The following VPS11 variants were observed in gnomAD, a reference collection of about 807,000 sequenced individuals.
The protein encoded by VPS11 is VPS11 core subunit of CORVET and HOPS complexes.
In VPS11, 51 loss-of-function variants were observed where a neutral mutation model predicts 106.8. The observed-to-expected ratio is 0.48, with a 90% CI of 0.38 to 0.60. The LOEUF is 0.60. VPS11 is among the 20% of genes least tolerant of loss of function. The pLI is 0.00. For synonymous variants in VPS11, 453 were observed against 458.7 expected (o/e 0.99, Z 0.16); for missense variants, 950 against 1,190.0 (o/e 0.80, Z 2.97).
At chr11:119,070,422 G>A in intron 4 of VPS11, 25 bp downstream of exon 4, 1 of 1,592,730 alleles carries the variant, frequency 6.3e-7, no homozygotes. Context: ...TCCACTCTTA[G>A]GAGCAGGCAG....
chr11:119,078,424 G>C lies in VPS11; in HGVS notation c.1923+90G>C, dbSNP rs1945718992. The stretch of plus-strand genomic sequence containing the variant: ...TGGCTGCCTTTCACTGCATTCCTTA[G>C]ACCAGTAACACCTTACCTCGGGGCT... On this transcript the variant is annotated intron_variant, in intron 11 of 15. Transcript: ENST00000621676. 1.0e-5 allele frequency: 16 copies of C among 1,577,196 alleles called. No individual in the cohort carries two copies. The South Asian group carries it at 1.0e-4, about 10-fold the overall frequency.
rs782323549 is a variant in VPS11 at position 119,069,221 on chromosome 11, G to T, written c.213G>T (p.Leu71Phe). 1 of 1,613,878 alleles carries T rather than the reference G, an allele frequency of 6.2e-7. No homozygotes were observed. The highest frequency in any genetic ancestry group is 8.5e-7 in the Non-Finnish European group (1 of 1,179,894). Residue 71 changes from leucine (L) to phenylalanine (F), a missense_variant, in exon 2 of 16, where the codon TTG becomes TTT. This residue lies in a region of VPS11 where 435 missense variants were observed against 630.2 expected (regional missense o/e 0.69). Coordinates refer to ENST00000621676, the MANE Select transcript of VPS11 (RefSeq NM_021729.6). ...FGDMEGQIWF[L>F]PRSLQLTGFQ... ...ATATGGAAGGCCAGATCTGGTTCTTGCCACGTTCCCTACAGCTTACAGGCT... is the reference window on the plus strand; with the variant it reads ...ATATGGAAGGCCAGATCTGGTTCTTTCCACGTTCCCTACAGCTTACAGGCT...
At position 119,069,132 on chromosome 11, in the gene VPS11, T is replaced by C. The variant is rs543798067; in HGVS notation, c.188-64T>C. 6 of 1,594,402 alleles carry C rather than the reference T, an allele frequency of 3.8e-6. No homozygotes were observed. In the African/African-American group the frequency reaches 6.8e-5, roughly 18 times the overall value. ...TAGAGTTATATACATGTAATTGTTA[T>C]CTGAGTTCTGGTCTGAATGTAAGTA... On this transcript the variant is annotated intron_variant, in intron 1 of 15. Transcript: ENST00000621676.
intron 4 of VPS11, 35 bp downstream of exon 4, chr11:119,070,432 G>A (rs782470900): frequency 2.0e-5 from 31 of 1,582,470 alleles, no homozygotes; most frequent in Non-Finnish European, 2.5e-5. Flanking sequence ...GGAGCAGGCA[G>A]GGAGGGCTTC....
Position 119,067,996 on chromosome 11 carries a change from G to A in VPS11, c.173G>A (p.Ser58Asn), listed in dbSNP as rs2133640183. 15 of 1,609,834 alleles carry A rather than the reference G, an allele frequency of 9.3e-6. No homozygotes were observed. Among genetic ancestry groups the A allele is most frequent in the African/African-American group, 1.3e-5 (1 of 74,896 alleles). ...ACTGTCTGCGACTCAGGCCGAGGGA[G>A]CCTGGTCTTTGGAGATATCCTTCGT... Reference protein sequence around the residue: ...GITVCDSGRGSLVFGDMEGQI... With the variant: ...GITVCDSGRGNLVFGDMEGQI... The change falls in exon 1 of 16, where the codon AGC becomes AAC. Residue 58 changes from serine to asparagine, a missense_variant. Physicochemically the swap from Ser to Asn is conservative, Grantham distance 46. Around this residue, in one of 3 missense-constraint regions of VPS11, gnomAD observed 435 missense variants for 630.2 expected, o/e 0.69. Transcript: ENST00000621676.
rs781956011 is a variant in VPS11, at chr11:119,071,666, C to T, written c.707C>T (p.Ser236Leu). Residue 236 changes from serine (S) to leucine (L), a missense_variant, in exon 5 of 16, where the codon TCA becomes TTA. Coordinates refer to ENST00000621676, the MANE Select transcript of VPS11 (RefSeq NM_021729.6). ...LDTHGCGLRC[S>L]ALSDPSQDLQ... ...ACCCATGGTTGTGGCCTGCGCTGCTCAGCCCTAAGTGACCCTTCTCAGGAC... is the reference window on the plus strand; with the variant it reads ...ACCCATGGTTGTGGCCTGCGCTGCTTAGCCCTAAGTGACCCTTCTCAGGAC... 6.2e-7 allele frequency: 1 copy of T among 1,614,068 alleles called. No individual in the cohort carries two copies. The highest frequency in any genetic ancestry group is 8.5e-7 in the Non-Finnish European group (1 of 1,179,904).
At chr11:119,078,543 C>A in intron 11 of VPS11, 22 bp from the exon 12 acceptor site, 3 of 1,602,964 alleles carry the variant, frequency 1.9e-6, no homozygotes, top group Non-Finnish European at 2.6e-6. Context: ...TGTCCAGCAG[C>A]TCTGCCCTCC....
At position 119,077,973 on chromosome 11, in the gene VPS11, A is replaced by G. The variant is rs782729648; in HGVS notation, c.1668A>G (p.Ile556Met). Residue 556 changes from isoleucine to methionine, a missense_variant, in exon 10 of 16, where the codon ATA becomes ATG. Around this residue, in one of 3 missense-constraint regions of VPS11, gnomAD observed 453 missense variants for 514.6 expected, o/e 0.88. Coordinates refer to ENST00000621676, the MANE Select transcript of VPS11 (RefSeq NM_021729.6). Reference protein sequence around the residue: ...KRYGKILMHHIPEQTTQLLKG... With the variant: ...KRYGKILMHHMPEQTTQLLKG... Reference sequence around the variant, plus strand: ...ACGGCAAGATCCTCATGCACCACATACCAGAGCAGACAACTCAGTTGCTGA... The same window carrying G: ...ACGGCAAGATCCTCATGCACCACATGCCAGAGCAGACAACTCAGTTGCTGA... The G allele has an allele frequency of 6.2e-7, 1 of 1,613,966 alleles. No individual in the cohort carries two copies. The highest frequency in any genetic ancestry group is 8.5e-7 in the Non-Finnish European group (1 of 1,179,896).
chr11:119,072,150 G>C (rs1406292430), intron 5 of VPS11: 1 of 294,428 alleles, frequency 3.4e-6, no homozygotes, highest in Non-Finnish European at 6.7e-6. Flanking sequence ...ATTTTCAGTA[G>C]AGACGAGGTT....
At position 119,071,592 on chromosome 11, in the gene VPS11, G is replaced by A. The variant is rs782586885; in HGVS notation, c.637-4G>A. On this transcript the variant is annotated splice_region_variant and splice_polypyrimidine_tract_variant and intron_variant, in intron 4 of 15. Coordinates refer to ENST00000621676, the MANE Select transcript of VPS11 (RefSeq NM_021729.6). ...CCTGTTAACCCCTTTGTTGCTTCTG[G>A]CAGTCCTATATAGTTTCTGGAAAAG... The A allele has an allele frequency of 3.0e-5, 48 of 1,613,602 alleles. 1 individual carries two copies. The South Asian group carries it at 4.7e-4, about 16-fold the overall frequency.
At chr11:119,079,625 G>C (rs1181685945) in intron 14 of VPS11, among the ~76,000 whole-genome samples, 1 of 152,208 alleles carries the variant, frequency 6.6e-6, no homozygotes, top group Non-Finnish European at 1.5e-5. Context: ...ACTGAGGCTG[G>C]AGTGGAGGGG....
At position 119,070,246 on chromosome 11, in the gene VPS11, GCAGTGTTA is replaced by G; in HGVS notation, c.488_495del (p.Ser163IlefsTer12). 6.2e-7 allele frequency: 1 copy of G among 1,610,266 alleles called. No homozygotes were observed. ...TGTTTTCTTACAGGTTTCACAGATGGCAGTGTTACATTGAACAAAGGAGACATCACCCG... is the reference window on the plus strand; with the variant it reads ...TGTTTTCTTACAGGTTTCACAGATGGCATTGAACAAAGGAGACATCACCCG... On this transcript the variant is annotated frameshift_variant, in exon 4 of 16. Transcript: ENST00000621676. LOFTEE classifies it high-confidence loss of function.
chr11:119,077,835 T>A, intron 9 of VPS11, 43 bp from the exon 10 acceptor site: 2 of 1,599,440 alleles, frequency 1.3e-6, no homozygotes, highest in Non-Finnish European at 1.7e-6. Flanking sequence ...TCCTGGTGGC[T>A]GAGGCAGGAG....
chr11:119,081,176 C>T lies in VPS11; in HGVS notation c.2523C>T (p.Ser841=), dbSNP rs782344473. ...CAGTCCACTTCCTGTGTGGCCACTCCTTCCACCAACACTGCTTTGAGAGTT... is the reference window on the plus strand; with the variant it reads ...CAGTCCACTTCCTGTGTGGCCACTCTTTCCACCAACACTGCTTTGAGAGTT... The part of the protein sequence containing the change: ...LPSVHFLCGH[S]FHQHCFESYS... Residue 841 remains serine, a synonymous_variant, in exon 15 of 16, where the codon TCC becomes TCT. Transcript: ENST00000621676. 9.9e-6 allele frequency: 16 copies of T among 1,613,922 alleles called. No individual in the cohort carries two copies. In the African/African-American group the frequency reaches 1.6e-4, roughly 16 times the overall value.
At chr11:119,069,130 T>TA (rs1009053994) in intron 1 of VPS11, 66 bp from the exon 2 acceptor site, 77 of 1,592,072 alleles carry the variant, frequency 4.8e-5, no homozygotes, top group Non-Finnish European at 6.3e-5. Flanking sequence ...ATGTAATTGT[T>TA]ATCTGAGTTC....
intron 8 of VPS11, 51 bp downstream of exon 8, chr11:119,077,134 GTGGC>G: frequency 6.3e-7 from 1 of 1,576,458 alleles, no homozygotes; most frequent in Non-Finnish European, 8.6e-7. Flanking sequence ...TGAGCATGAG[GTGGC>G]TCCACCGGGA....
rs1945686620 is a variant in VPS11 at position 119,077,825 on chromosome 11, T to C, written c.1573-53T>C. On this transcript the variant is annotated intron_variant, in intron 9 of 15. Transcript: ENST00000621676. ...ACATCTCCAGAATGGTGAAAGTGCT[T>C]CCTGGTGGCTGAGGCAGGAGTATAC... 5.6e-6 allele frequency: 9 copies of C among 1,595,240 alleles called. No homozygotes were observed. The South Asian group carries it at 9.0e-5, about 16-fold the overall frequency.
In VPS11 at chr11:119,076,877, G is replaced by A. The variant is rs535290448; in HGVS notation, c.1239-20G>A. 1.3e-5 allele frequency: 21 copies of A among 1,612,954 alleles called. No homozygotes were observed. Among genetic ancestry groups the A allele is most frequent in the African/African-American group, 2.7e-5 (2 of 75,014 alleles). On this transcript the variant is annotated intron_variant, in intron 7 of 15. Coordinates refer to ENST00000621676, the MANE Select transcript of VPS11 (RefSeq NM_021729.6). Reference sequence around the variant, plus strand: ...GAAGTACACTGATTCAGATGCTATCGGGTGCACATGTCTCCCTAGAACCAT... The same window carrying A: ...GAAGTACACTGATTCAGATGCTATCAGGTGCACATGTCTCCCTAGAACCAT...
At position 119,081,321 on chromosome 11, in the gene VPS11, A is replaced by G. The variant is rs782387646; in HGVS notation, c.2661+7A>G. 6.2e-7 allele frequency: 1 copy of G among 1,613,910 alleles called. No individual in the cohort carries two copies. The highest frequency in any genetic ancestry group is 1.1e-5 in the South Asian group (1 of 91,088). On this transcript the variant is annotated splice_region_variant and intron_variant, in intron 15 of 15. Coordinates refer to ENST00000621676, the MANE Select transcript of VPS11 (RefSeq NM_021729.6). The stretch of plus-strand genomic sequence containing the variant: ...TGATCAATTCCAGCATCAGGTGGGG[A>G]TGAGTGGGCTAGATGGGCCAGGGGA...
Sources: gnomAD v4.1 joint callset for allele counts (sites outside exome capture counted in the v4.1 genomes callset) on GRCh38, gnomAD v4.1.1 for gene constraint, gnomAD v4.1.1 regional missense constraint, MANE v1.5 for transcripts, NCBI Gene and HGNC (gene_info 2026-07-23, HGNC 2026-07-21) for gene names.